The following AGPAT4 variants were observed in gnomAD, a reference collection of about 807,000 sequenced individuals.
AGPAT4 encodes 1-acyl-sn-glycerol-3-phosphate acyltransferase delta.
Under a neutral mutation model 48.0 loss-of-function variants are expected in AGPAT4, and 15 were observed. That is an observed-to-expected ratio of 0.31 (90% CI 0.21 to 0.48). The LOEUF (loss-of-function observed/expected upper bound fraction) is 0.48. Ranked by LOEUF, AGPAT4 falls within the 20% of genes least tolerant of loss-of-function variation. The probability of loss-of-function intolerance (pLI) is 0.99; values close to 1 mark genes in which losing one functional copy is unlikely to be tolerated. For synonymous variants in AGPAT4, 178 were observed against 198.7 expected (o/e 0.90, Z 0.88); for missense variants, 314 against 482.5 (o/e 0.65, Z 3.27).
chr6:161,152,501 TC>T (rs1206570353), intron 5 of AGPAT4, among the ~76,000 whole-genome samples: 1 of 152,136 alleles, frequency 6.6e-6, no homozygotes, highest in Non-Finnish European at 1.5e-5. Context: ...ACTCTGTTGC[TC>T]CAGAGGTCCT....
In AGPAT4 at chr6:161,249,480, C is replaced by T. The variant is rs562765031; in HGVS notation, c.-89-17178G>A. Among the ~76,000 whole-genome samples the T allele has an allele frequency of 6.6e-6, 1 of 152,074 alleles. No individual in the cohort carries two copies. Among genetic ancestry groups the T allele is most frequent in the Non-Finnish European group, 1.5e-5 (1 of 68,002 alleles). ...AAATAAATTTACGAGAAAAAACACA[C>T]AACCCCATTAAAAAGTGGGCAAAGG... On this transcript the variant is annotated intron_variant, in intron 1 of 8. Transcript: ENST00000320285. This position sits in a 1 kb window ranked among gnomAD's most constrained non-coding sequence, Gnocchi z 6.2.
chr6:161,219,986 A>G lies in AGPAT4; in HGVS notation c.178+12050T>C, dbSNP rs924176938. On this transcript the variant is annotated intron_variant, in intron 2 of 8. Transcript: ENST00000320285. This position sits in a 1 kb window ranked among gnomAD's most constrained non-coding sequence, Gnocchi z 4.9. ...GACAGACAGGCAGGCAGATAGATAC[A>G]TTTAAAAAATAAATGGATTATTACT... 6.6e-6 allele frequency among the ~76,000 whole-genome samples: 1 copy of G among 151,558 alleles called. No homozygotes were observed. The highest frequency in any genetic ancestry group is 1.5e-5 in the Non-Finnish European group (1 of 67,970).
chr6:161,136,353 A>T lies in AGPAT4; in HGVS notation c.*187T>A, dbSNP rs917060383. 3 of 597,062 alleles carry T rather than the reference A, an allele frequency of 5.0e-6. No individual in the cohort carries two copies. Among genetic ancestry groups the T allele is most frequent in the Non-Finnish European group, 6.0e-6 (2 of 335,646 alleles). 37.0% of individuals were successfully genotyped at this position (597,062 alleles called of 1,614,324 possible). ...CAAAGCCCACTAAAGCACATGGGGAAAAAAAGATTACAAAACATCTTCCTC... is the reference window on the plus strand; with the variant it reads ...CAAAGCCCACTAAAGCACATGGGGATAAAAAGATTACAAAACATCTTCCTC... On this transcript the variant is annotated 3_prime_UTR_variant, in exon 9 of 9. Transcript: ENST00000320285.
At chr6:161,258,091 A>G (rs77292080) in intron 1 of AGPAT4, among the ~76,000 whole-genome samples, 3,054 of 152,322 alleles carry the variant, frequency 0.02, 117 homozygotes, top group African/African-American at 0.07. Flanking sequence ...CCAGAATGAA[A>G]GTTCTAGTAT....
chr6:161,142,734 TAGTC>T lies in AGPAT4; in HGVS notation c.844-3118_844-3115del, dbSNP rs137904367. On this transcript the variant is annotated intron_variant, in intron 7 of 8. Coordinates refer to ENST00000320285, the MANE Select transcript of AGPAT4 (RefSeq NM_020133.3). This position sits in a 1 kb window ranked among gnomAD's most constrained non-coding sequence, Gnocchi z 6.4. Reference sequence around the variant, plus strand: ...ACAGAGAGGAAGAAGCGGCTCCTCTTAGTCAGCAAGTCTGGGCGGGGAGAGGCTC... The same window carrying T: ...ACAGAGAGGAAGAAGCGGCTCCTCTTAGCAAGTCTGGGCGGGGAGAGGCTC... Among the ~76,000 whole-genome samples the T allele has an allele frequency of 0.017, 2,544 of 152,238 alleles. 68 individuals are homozygous for T. Among genetic ancestry groups the T allele is most frequent in the African/African-American group, 0.054 (2,244 of 41,542 alleles).
intron 1 of AGPAT4, among the ~76,000 whole-genome samples, chr6:161,252,908 T>C (rs1362333717): frequency 6.6e-6 from 1 of 152,082 alleles, no homozygotes; most frequent in African/African-American, 2.4e-5. Flanking sequence ...ATGCTTACAA[T>C]ACAGAGTCTA....
At position 161,231,643 on chromosome 6, in the gene AGPAT4, C is replaced by A. The variant is rs143944753; in HGVS notation, c.178+393G>T. On this transcript the variant is annotated intron_variant, in intron 2 of 8. Coordinates refer to ENST00000320285, the MANE Select transcript of AGPAT4 (RefSeq NM_020133.3). The surrounding 1 kb of genome is among the most constrained non-coding windows in gnomAD (Gnocchi z 5.3). ...CCACTTAGTTTTTTAAAAAAAAATA[C>A]GTATGTATATGTATCTATATAGATA... Among the ~76,000 whole-genome samples, 781 of 151,932 alleles carry A rather than the reference C, an allele frequency of 5.1e-3. 4 individuals are homozygous for A. The highest frequency in any genetic ancestry group is 0.018 in the African/African-American group (750 of 41,424).
In AGPAT4 at chr6:161,171,748, A is replaced by T. The variant is rs1160652970; in HGVS notation, c.179-5331T>A. On this transcript the variant is annotated intron_variant, in intron 2 of 8. Coordinates refer to ENST00000320285, the MANE Select transcript of AGPAT4 (RefSeq NM_020133.3). The surrounding 1 kb of genome is among the most constrained non-coding windows in gnomAD (Gnocchi z 4.4). ...ACTAAAAATACAAAAAAAAAAAAAA[A>T]AATTAGCTGGGCGTGGTGGCAGGCA... Among the ~76,000 whole-genome samples, 2 of 151,962 alleles carry T rather than the reference A, an allele frequency of 1.3e-5. No homozygotes were observed. The highest frequency in any genetic ancestry group is 1.3e-4 in the Admixed American group (2 of 15,256).
In AGPAT4 at chr6:161,215,020, T is replaced by C. The variant is rs551541022; in HGVS notation, c.178+17016A>G. Among the ~76,000 whole-genome samples, 69 of 152,328 alleles carry C rather than the reference T, an allele frequency of 4.5e-4. 2 individuals are homozygous for C. Among genetic ancestry groups the C allele is most frequent in the South Asian group, 6.2e-4 (3 of 4,830 alleles). On this transcript the variant is annotated intron_variant, in intron 2 of 8. Coordinates refer to ENST00000320285, the MANE Select transcript of AGPAT4 (RefSeq NM_020133.3). The surrounding 1 kb of genome is among the most constrained non-coding windows in gnomAD (Gnocchi z 4.5). The stretch of plus-strand genomic sequence containing the variant: ...AAAAATCAGACCATATCCAGCTTCA[T>C]ACTAACAATTTTTTCTTTGGTAGGA...
rs1782645605 is a variant in AGPAT4 at position 161,246,296 on chromosome 6, A to ATGGGAT, written c.-89-13995_-89-13994insATCCCA. On this transcript the variant is annotated intron_variant, in intron 1 of 8. Coordinates refer to ENST00000320285, the MANE Select transcript of AGPAT4 (RefSeq NM_020133.3). The surrounding 1 kb of genome is among the most constrained non-coding windows in gnomAD (Gnocchi z 5.5). ...CCACTGAGAAGTATATTCATTCATT[A>ATGGGAT]GGTTCCCATCCAAGGAGCTACCCGT... 6.6e-6 allele frequency among the ~76,000 whole-genome samples: 1 copy of ATGGGAT among 152,228 alleles called. No individual in the cohort carries two copies. Among genetic ancestry groups the ATGGGAT allele is most frequent in the Non-Finnish European group, 1.5e-5 (1 of 68,044 alleles).
At position 161,143,154 on chromosome 6, in the gene AGPAT4, C is replaced by A. The variant is rs958397132; in HGVS notation, c.843+3370G>T. Among the ~76,000 whole-genome samples, 3 of 152,324 alleles carry A rather than the reference C, an allele frequency of 2.0e-5. No homozygotes were observed. The highest frequency in any genetic ancestry group is 7.2e-5 in the African/African-American group (3 of 41,562). On this transcript the variant is annotated intron_variant, in intron 7 of 8. Coordinates refer to ENST00000320285, the MANE Select transcript of AGPAT4 (RefSeq NM_020133.3). The surrounding 1 kb of genome is among the most constrained non-coding windows in gnomAD (Gnocchi z 4.7). ...GTGGTGCAATCATAGCTCACAGTAA[C>A]CTTCAACTTCTAGGCTCAAGCAATC...
chr6:161,224,390 TC>T (rs1402101559), intron 2 of AGPAT4, among the ~76,000 whole-genome samples: 3 of 152,024 alleles, frequency 2.0e-5, no homozygotes, highest in African/African-American at 7.2e-5. Flanking sequence ...ACTCCTGTAA[TC>T]CCAGCACTTT....
rs1781827922 is a variant in AGPAT4 at position 161,221,278 on chromosome 6, T to C, written c.178+10758A>G. Among the ~76,000 whole-genome samples the C allele has an allele frequency of 6.6e-6, 1 of 152,166 alleles. No individual in the cohort carries two copies. Among genetic ancestry groups the C allele is most frequent in the African/African-American group, 2.4e-5 (1 of 41,436 alleles). ...CCCCAGATGAGGTTCCTACACAGTT[T>C]ATATACAGTTTGTCACCTTCCTCCA... is the stretch of plus-strand genomic sequence containing the variant. On this transcript the variant is annotated intron_variant, in intron 2 of 8. Coordinates refer to ENST00000320285, the MANE Select transcript of AGPAT4 (RefSeq NM_020133.3). This position sits in a 1 kb window ranked among gnomAD's most constrained non-coding sequence, Gnocchi z 4.5.
In AGPAT4 at chr6:161,136,386, G is replaced by A. The variant is rs1373468897; in HGVS notation, c.*154C>T. The A allele has an allele frequency of 7.9e-6, 5 of 630,870 alleles. No individual in the cohort carries two copies. Among genetic ancestry groups the A allele is most frequent in the Admixed American group, 2.8e-5 (1 of 35,522 alleles). 39.1% of individuals were successfully genotyped at this position (630,870 alleles called of 1,614,324 possible). A position where few individuals can be genotyped will look rare whatever the true frequency, so the allele number is the denominator to read the frequency against. Reference sequence around the variant, plus strand: ...TTACAAAACATCTTCCTCCCCATCCGGCCTTGAGACCAGACTCCCTGGCTG... The same window carrying A: ...TTACAAAACATCTTCCTCCCCATCCAGCCTTGAGACCAGACTCCCTGGCTG... On this transcript the variant is annotated 3_prime_UTR_variant, in exon 9 of 9. Transcript: ENST00000320285.
In AGPAT4 at chr6:161,216,337, A is replaced by G. The variant is rs1781646419; in HGVS notation, c.178+15699T>C. Among the ~76,000 whole-genome samples, 1 of 152,210 alleles carries G rather than the reference A, an allele frequency of 6.6e-6. No individual in the cohort carries two copies. Among genetic ancestry groups the G allele is most frequent in the Non-Finnish European group, 1.5e-5 (1 of 68,040 alleles). On this transcript the variant is annotated intron_variant, in intron 2 of 8. Coordinates refer to ENST00000320285, the MANE Select transcript of AGPAT4 (RefSeq NM_020133.3). The surrounding 1 kb of genome is among the most constrained non-coding windows in gnomAD (Gnocchi z 4.8). ...GCAGCCCCAGTCTCTTCTGTCCTCA[A>G]GCAAACGTCTGCAACAAGTGCGTCT... is the stretch of plus-strand genomic sequence containing the variant.
Position 161,216,044 on chromosome 6 carries a change from T to A in AGPAT4, c.178+15992A>T, listed in dbSNP as rs1331280982. 6.6e-6 allele frequency among the ~76,000 whole-genome samples: 1 copy of A among 152,140 alleles called. No individual in the cohort carries two copies. The highest frequency in any genetic ancestry group is 1.5e-5 in the Non-Finnish European group (1 of 68,030). On this transcript the variant is annotated intron_variant, in intron 2 of 8. Coordinates refer to ENST00000320285, the MANE Select transcript of AGPAT4 (RefSeq NM_020133.3). The surrounding 1 kb of genome is among the most constrained non-coding windows in gnomAD (Gnocchi z 4.8). ...CCGCACCATGTCCAGTTGACGAGGA[T>A]TAAAGAAAACAAACAAAAAATACCT...
At position 161,226,170 on chromosome 6, in the gene AGPAT4, T is replaced by A. The variant is rs576342150; in HGVS notation, c.178+5866A>T. On this transcript the variant is annotated intron_variant, in intron 2 of 8. Coordinates refer to ENST00000320285, the MANE Select transcript of AGPAT4 (RefSeq NM_020133.3). This position sits in a 1 kb window ranked among gnomAD's most constrained non-coding sequence, Gnocchi z 6.3. ...CCAGTAGGTCCTGCCCAACTCCACA[T>A]TTTGACAGGCTCAAAGGCAGTGATA... Among the ~76,000 whole-genome samples the A allele has an allele frequency of 6.6e-6, 1 of 152,224 alleles. No homozygotes were observed. The highest frequency in any genetic ancestry group is 2.1e-4 in the South Asian group (1 of 4,812).
chr6:161,185,281 G>GTTTTTTTTTTTTTTTTT (rs1562328842), intron 2 of AGPAT4, among the ~76,000 whole-genome samples: 1 of 135,028 alleles, frequency 7.4e-6, no homozygotes, highest in African/African-American at 2.8e-5. Flanking sequence ...TTTTTAAGAT[G>GTTTTTTTTTTTTTTTTT]TCTTTTTTTT....
Position 161,154,350 on chromosome 6 carries a change from C to G in AGPAT4, c.349-40G>C. The G allele has an allele frequency of 6.2e-7, 1 of 1,611,394 alleles. No homozygotes were observed. Among genetic ancestry groups the G allele is most frequent in the Non-Finnish European group, 8.5e-7 (1 of 1,178,784 alleles). Reference sequence around the variant, plus strand: ...GGAGCCCAGGTGCCCATGAAGGAGACGTCAGAGCCACCTGCCGGGGCTGTT... The same window carrying G: ...GGAGCCCAGGTGCCCATGAAGGAGAGGTCAGAGCCACCTGCCGGGGCTGTT... On this transcript the variant is annotated intron_variant, in intron 3 of 8. Transcript: ENST00000320285. This position sits in a 1 kb window ranked among gnomAD's most constrained non-coding sequence, Gnocchi z 7.8.
Sources: allele counts gnomAD v4.1 joint callset (sites outside exome capture counted in the v4.1 genomes callset), GRCh38; gene constraint gnomAD v4.1.1; non-coding constraint Gnocchi (gnomAD v3.1); transcripts MANE v1.5; gene names NCBI Gene and HGNC (gene_info 2026-07-23, HGNC 2026-07-21).